Variants in STAU1 observed in about 807,000 individuals in gnomAD.
STAU1 encodes double-stranded RNA-binding protein Staufen homolog 1.
In STAU1, 13 loss-of-function variants were observed where a neutral mutation model predicts 62.9. That is an observed-to-expected ratio of 0.21 (90% CI 0.13 to 0.33). STAU1 has a LOEUF of 0.33. Among genes scored for constraint, STAU1 ranks in the 10% least tolerant of loss-of-function variants. The pLI, the probability that STAU1 is intolerant of heterozygous loss-of-function variation, is 1.00. For synonymous variants in STAU1, 269 were observed against 265.1 expected (o/e 1.01, Z -0.14); for missense variants, 571 against 712.1 (o/e 0.80, Z 2.25).
At chr20:49,127,479 G>A in intron 6 of STAU1, among the ~76,000 whole-genome samples, 1 of 152,238 alleles carries the variant, frequency 6.6e-6, no homozygotes. Context: ...GCCGAGGCGG[G>A]TGGATCACCT....
chr20:49,171,714 A>G (rs2093599806), intron 2 of STAU1, among the ~76,000 whole-genome samples: 1 of 152,126 alleles, frequency 6.6e-6, no homozygotes, highest in Non-Finnish European at 1.5e-5. Flanking sequence ...ATAGTAATTC[A>G]TTGACTCCAA....
chr20:49,153,402 T>TAAAAAA (rs34795501), intron 4 of STAU1, among the ~76,000 whole-genome samples: 1 of 129,846 alleles, frequency 7.7e-6, no homozygotes, highest in Non-Finnish European at 1.6e-5. Flanking sequence ...CTCAATGAAT[T>TAAAAAA]AAAAAAAAAA....
rs2092309475 is a variant in STAU1, at chr20:49,115,834, A to G, written c.1666T>C (p.Leu556=). The G allele has an allele frequency of 1.2e-6, 2 of 1,614,064 alleles. No individual in the cohort carries two copies. The highest frequency in any genetic ancestry group is 4.5e-5 in the East Asian group (2 of 44,868). Residue 556 remains leucine (L), a synonymous_variant, in exon 13 of 14, where the codon TTG becomes CTG. Transcript: ENST00000371856. ...GGCATCTCTGTACTTTGTTGGTCCA[A>G]CTCAGACAGCAACTTTAAGATGTTC... The part of the protein sequence containing the change: ...ALNILKLLSE[L]DQQSTEMPRT...
At chr20:49,129,756 T>C (rs969997839) in intron 6 of STAU1, among the ~76,000 whole-genome samples, 1 of 151,180 alleles carries the variant, frequency 6.6e-6, no homozygotes, top group African/African-American at 2.4e-5. Flanking sequence ...TGCCTCAGTC[T>C]AATGAGTAGC....
intron 1 of STAU1, among the ~76,000 whole-genome samples, chr20:49,180,750 T>C (rs1450081359): frequency 1.3e-5 from 2 of 152,218 alleles, no homozygotes; most frequent in Non-Finnish European, 2.9e-5. Flanking sequence ...TTAGCTTAAT[T>C]TGACATAACA....
At chr20:49,159,148 T>TAAA (rs71184267) in intron 3 of STAU1, 21 of 948,862 alleles carry the variant, frequency 2.2e-5, no homozygotes, top group African/African-American at 3.7e-5. Flanking sequence ...GGGAAAAAGC[T>TAAA]AAAAAAAAAA....
chr20:49,204,579 G>T, the STAU1 span, among the ~76,000 whole-genome samples: 3 of 106,272 alleles, frequency 2.8e-5, no homozygotes, highest in African/African-American at 3.6e-5. Flanking sequence ...TTATGCAATT[G>T]GTGGATTTTA....
intron 6 of STAU1, among the ~76,000 whole-genome samples, chr20:49,131,943 G>C (rs2092759606): frequency 6.6e-6 from 1 of 151,882 alleles, no homozygotes; most frequent in Non-Finnish European, 1.5e-5. Flanking sequence ...TCCTATTCTT[G>C]TAACTTTTAG....
upstream of STAU1, among the ~76,000 whole-genome samples, chr20:49,192,329 G>A (rs1483900402): frequency 2.1e-5 from 3 of 141,106 alleles, no homozygotes; most frequent in Non-Finnish European, 4.5e-5. Context: ...CTGGGAAACA[G>A]AGCGAGACTC....
chr20:49,141,512 T>C (rs528394999), intron 5 of STAU1, among the ~76,000 whole-genome samples: 8 of 152,288 alleles, frequency 5.3e-5, no homozygotes, highest in Admixed American at 5.2e-4. Context: ...GATCACTTGA[T>C]TGATTGCCCA....
rs142164252 is a variant in STAU1 at position 49,181,505 on chromosome 20, C to T, written c.-160+6611G>A. ...CAAGGCCGGGAACAGTGGCTCAAGCCTGTAATCCTATCACTTTGCGAGGCT... is the reference window on the plus strand; with the variant it reads ...CAAGGCCGGGAACAGTGGCTCAAGCTTGTAATCCTATCACTTTGCGAGGCT... On this transcript the variant is annotated intron_variant, in intron 1 of 13. Coordinates refer to ENST00000371856, the MANE Select transcript of STAU1 (RefSeq NM_017453.4). Among the ~76,000 whole-genome samples the T allele has an allele frequency of 2.0e-5, 3 of 152,302 alleles. No individual in the cohort carries two copies. The East Asian group carries it at 5.8e-4, about 29-fold the overall frequency.
rs190682224 is a variant in STAU1, at chr20:49,186,100, T to C, written c.-160+2016A>G. On this transcript the variant is annotated intron_variant, in intron 1 of 13. Coordinates refer to ENST00000371856, the MANE Select transcript of STAU1 (RefSeq NM_017453.4). ...CAGGCGTGAGCCACCGCGCCTAACCTGCTTATGGAGGCCTAGGAGGGTGGA... is the reference window on the plus strand; with the variant it reads ...CAGGCGTGAGCCACCGCGCCTAACCCGCTTATGGAGGCCTAGGAGGGTGGA... Among the ~76,000 whole-genome samples, 695 of 152,060 alleles carry C rather than the reference T, an allele frequency of 4.6e-3. 3 individuals carry two copies. The highest frequency in any genetic ancestry group is 0.017 in the Middle Eastern group (5 of 292).
intron 5 of STAU1, among the ~76,000 whole-genome samples, chr20:49,150,524 G>A (rs1447820649): frequency 6.6e-6 from 1 of 152,016 alleles, no homozygotes; most frequent in African/African-American, 2.4e-5. Flanking sequence ...ACCACGCCCG[G>A]CGAATTTTTT....
chr20:49,157,003 A>G (rs923534948), intron 3 of STAU1, among the ~76,000 whole-genome samples: 4 of 151,852 alleles, frequency 2.6e-5, no homozygotes, highest in African/African-American at 9.7e-5. Context: ...CAGTCTCCCG[A>G]GTAGCTGGGA....
rs2092358089 is a variant in STAU1, at chr20:49,117,573, C to G, written c.1509+204G>C. ...GGTTGGCTTGCATGTTGAAATCTTA[C>G]TACCAAAGGATAAAGATATTTCTCT... is the stretch of plus-strand genomic sequence containing the variant. On this transcript the variant is annotated intron_variant, in intron 11 of 13. Transcript: ENST00000371856. The surrounding 1 kb of genome is among the most constrained non-coding windows in gnomAD (Gnocchi z 4.6). 6.6e-6 allele frequency among the ~76,000 whole-genome samples: 1 copy of G among 152,228 alleles called. No individual in the cohort carries two copies. The highest frequency in any genetic ancestry group is 6.5e-5 in the Admixed American group (1 of 15,280).
intron 5 of STAU1, among the ~76,000 whole-genome samples, chr20:49,141,354 T>C (rs945525073): frequency 6.6e-6 from 1 of 152,120 alleles, no homozygotes; most frequent in African/African-American, 2.4e-5. Context: ...TTCTGGAGGC[T>C]GAGATGGATG....
At chr20:49,122,656 G>A (rs3795081) in intron 8 of STAU1, among the ~76,000 whole-genome samples, 58,677 of 152,036 alleles carry the variant, frequency 0.39, 11,435 homozygotes, top group Middle Eastern at 0.51. Context: ...GGTGGCTCAC[G>A]CCTGTAATCC....
chr20:49,217,825 C>T, the STAU1 span, among the ~76,000 whole-genome samples: 1 of 149,752 alleles, frequency 6.7e-6, no homozygotes, highest in Non-Finnish European at 1.5e-5. Context: ...CTCACCTGGG[C>T]GACAGAGTGA....
intron 3 of STAU1, among the ~76,000 whole-genome samples, chr20:49,155,255 G>A (rs2093340186): frequency 6.6e-6 from 1 of 152,040 alleles, no homozygotes; most frequent in Non-Finnish European, 1.5e-5. Flanking sequence ...AAAATATTCA[G>A]GTATTTCCAT....
Sources: allele counts gnomAD v4.1 joint callset (sites outside exome capture counted in the v4.1 genomes callset), GRCh38; gene constraint gnomAD v4.1.1; non-coding constraint Gnocchi (gnomAD v3.1); transcripts MANE v1.5; gene names NCBI Gene and HGNC (gene_info 2026-07-23, HGNC 2026-07-21).